Variants in SAMTOR observed in about 807,000 individuals in gnomAD.
The protein encoded by SAMTOR is UPF0532 protein C7orf60.
At chr7:112,827,024 T>A in the SAMTOR span, among the ~76,000 whole-genome samples, 8 of 152,214 alleles carry the variant, frequency 5.3e-5, no homozygotes, top group Non-Finnish European at 1.0e-4. Context: ...GTACTCTTGA[T>A]GAACTGACCC....
At chr7:112,870,245 G>A in the SAMTOR span, among the ~76,000 whole-genome samples, 1 of 152,040 alleles carries the variant, frequency 6.6e-6, no homozygotes, top group Admixed American at 6.5e-5. Flanking sequence ...AAGGCACATA[G>A]TCACTAGACT....
At chr7:112,869,314 C>A in the SAMTOR span, among the ~76,000 whole-genome samples, 2 of 152,036 alleles carry the variant, frequency 1.3e-5, no homozygotes, top group African/African-American at 4.8e-5. Flanking sequence ...GTGGCACTGG[C>A]GGGATAAGGA....
the SAMTOR span, among the ~76,000 whole-genome samples, chr7:112,911,403 T>C: frequency 7.9e-5 from 12 of 152,164 alleles, no homozygotes; most frequent in African/African-American, 2.4e-4. Flanking sequence ...GCTCAACTCC[T>C]GATGGTATCA....
the SAMTOR span, among the ~76,000 whole-genome samples, chr7:112,902,448 A>C: frequency 1.3e-4 from 16 of 120,428 alleles, no homozygotes; most frequent in South Asian, 5.6e-4. Flanking sequence ...ACAAAAAAAA[A>C]CAAAAAAAAA....
At chr7:112,895,636 G>A in the SAMTOR span, 1 of 1,597,424 alleles carries the variant, frequency 6.3e-7, no homozygotes, top group Non-Finnish European at 8.6e-7. Context: ...GAAGACTCAT[G>A]CATATTTAAG....
At chr7:112,927,520 A>G in the SAMTOR span, among the ~76,000 whole-genome samples, 3 of 152,092 alleles carry the variant, frequency 2.0e-5, no homozygotes, top group Non-Finnish European at 2.9e-5. Flanking sequence ...GTTGTAATTA[A>G]TAACCCATTT....
chr7:112,917,618 GAGA>G, the SAMTOR span, among the ~76,000 whole-genome samples: 1 of 152,218 alleles, frequency 6.6e-6, no homozygotes, highest in African/African-American at 2.4e-5. Flanking sequence ...GACAAGCTGA[GAGA>G]AGAAGGCTTC....
At chr7:112,872,120 A>C in the SAMTOR span, among the ~76,000 whole-genome samples, 1 of 152,204 alleles carries the variant, frequency 6.6e-6, no homozygotes, top group East Asian at 1.9e-4. Context: ...TTCCTAACTC[A>C]TTCTATGAAA....
At chr7:112,921,987 G>T in the SAMTOR span, among the ~76,000 whole-genome samples, 2 of 149,190 alleles carry the variant, frequency 1.3e-5, no homozygotes, top group East Asian at 2.0e-4. Flanking sequence ...CGCTCCCCAC[G>T]GTCTCCCTCT....
the SAMTOR span, among the ~76,000 whole-genome samples, chr7:112,855,648 T>C: frequency 1.3e-5 from 2 of 152,198 alleles, no homozygotes; most frequent in Non-Finnish European, 2.9e-5. Context: ...AATAGCACAT[T>C]AAATCCTTCT....
At chr7:112,906,758 G>C in the SAMTOR span, among the ~76,000 whole-genome samples, 1 of 151,948 alleles carries the variant, frequency 6.6e-6, no homozygotes, top group East Asian at 1.9e-4. Context: ...TTTTAGTAGG[G>C]ACAGGGATTC....
chr7:112,923,839 T>C, the SAMTOR span, among the ~76,000 whole-genome samples: 1 of 152,144 alleles, frequency 6.6e-6, no homozygotes, highest in Non-Finnish European at 1.5e-5. Flanking sequence ...GTGGCACATA[T>C]ACACCATGGA....
the SAMTOR span, among the ~76,000 whole-genome samples, chr7:112,844,940 T>A: frequency 6.6e-6 from 1 of 151,976 alleles, no homozygotes. Flanking sequence ...AGAATAAAGC[T>A]GCACACCTAT....
At chr7:112,936,324 T>C in the SAMTOR span, among the ~76,000 whole-genome samples, 1 of 152,196 alleles carries the variant, frequency 6.6e-6, no homozygotes, top group Non-Finnish European at 1.5e-5. Context: ...CAGATACGAG[T>C]GCTGCCTGGA....
chr7:112,939,807 G>A, the SAMTOR span: 68 of 1,381,574 alleles, frequency 4.9e-5, no homozygotes, highest in Non-Finnish European at 6.5e-5. Flanking sequence ...CTCCCCAGAT[G>A]GAGGAGGTGG....
chr7:112,842,963 G>A, the SAMTOR span, among the ~76,000 whole-genome samples: 1 of 151,972 alleles, frequency 6.6e-6, no homozygotes, highest in African/African-American at 2.4e-5. Context: ...CTACAGAAAA[G>A]TGCTTGTTAT....
the SAMTOR span, among the ~76,000 whole-genome samples, chr7:112,859,910 T>C: frequency 6.6e-6 from 1 of 152,190 alleles, no homozygotes; most frequent in Admixed American, 6.5e-5. Flanking sequence ...ATAGCTTAAG[T>C]GCACAGTGTT....
the SAMTOR span, among the ~76,000 whole-genome samples, chr7:112,934,819 T>C: frequency 6.6e-6 from 1 of 152,240 alleles, no homozygotes; most frequent in Non-Finnish European, 1.5e-5. Flanking sequence ...GCTTTTGGTT[T>C]CTAGTGTATC....
chr7:112,885,168 G>T, the SAMTOR span, among the ~76,000 whole-genome samples: 1 of 9,566 alleles, frequency 1.0e-4, no homozygotes, highest in South Asian at 2.3e-3. Flanking sequence ...GCACAGGGCA[G>T]GGGGGGCCCT....
Sources: allele counts gnomAD v4.1 joint callset (sites outside exome capture counted in the v4.1 genomes callset), GRCh38; gene constraint gnomAD v4.1.1; transcripts MANE v1.5; gene names NCBI Gene and HGNC (gene_info 2026-07-23, HGNC 2026-07-21).